The following NOL4L variants were observed in gnomAD, a reference collection of about 807,000 sequenced individuals.
NOL4L encodes the protein nucleolar protein 4 like, also known as nucleolar protein 4-like.
NOL4L carries 7 observed loss-of-function variants against 64.5 expected under a neutral mutation model. That is an observed-to-expected ratio of 0.11 (90% CI 0.06 to 0.20). The LOEUF is 0.20. Ranked by LOEUF, NOL4L falls within the 10% of genes least tolerant of loss-of-function variation. The pLI is 1.00. For missense variants in NOL4L, 680 were observed against 967.1 expected (o/e 0.70, Z 3.94); for synonymous variants, 413 against 401.0 (o/e 1.03, Z -0.36).
chr20:32,544,972 G>A (rs6119261), intron 1 of NOL4L, among the ~76,000 whole-genome samples: 12,146 of 152,248 alleles, frequency 0.08, 1,295 homozygotes, highest in African/African-American at 0.25. Flanking sequence ...GCTGGGAATT[G>A]ACAGCCAGGT....
chr20:32,488,718 C>G (rs2016203845), intron 4 of NOL4L, among the ~76,000 whole-genome samples: 1 of 151,934 alleles, frequency 6.6e-6, no homozygotes, highest in Admixed American at 6.6e-5. Flanking sequence ...ACTTGTATTT[C>G]TTTTTCTTTC....
chr20:32,486,001 T>C (rs1222322515), intron 4 of NOL4L, among the ~76,000 whole-genome samples: 1 of 152,216 alleles, frequency 6.6e-6, no homozygotes, highest in Non-Finnish European at 1.5e-5. Flanking sequence ...TGATTTTCTG[T>C]AGGCATGAAA....
In NOL4L at chr20:32,464,861, G is replaced by T; in HGVS notation, c.842-8466C>A. On this transcript the variant is annotated intron_variant, in intron 5 of 10. Coordinates refer to ENST00000621426, the MANE Select transcript of NOL4L (RefSeq NM_001256798.2). This position sits in a 1 kb window ranked among gnomAD's most constrained non-coding sequence, Gnocchi z 5.6. The stretch of plus-strand genomic sequence containing the variant: ...ACAAATAATTGATACCGTGTTATCA[G>T]AGCTGAGATATTTCACCTTCTTCTT... 1 of 423,300 alleles carries T rather than the reference G, an allele frequency of 2.4e-6. No homozygotes were observed. The allele number at this position is 423,300 out of a possible 1,614,324, so 26.2% of individuals were successfully genotyped here.
At chr20:32,572,391 C>A (rs766280602) in intron 1 of NOL4L, 1 of 152,232 alleles carries the variant, frequency 6.6e-6, no homozygotes, top group South Asian at 2.1e-4. Context: ...ACAGCAGACA[C>A]GGACTGAGGA....
intron 1 of NOL4L, among the ~76,000 whole-genome samples, chr20:32,559,551 T>C (rs1306973060): frequency 6.6e-6 from 1 of 152,130 alleles, no homozygotes; most frequent in African/African-American, 2.4e-5. Context: ...GGTAGGAATG[T>C]TATTACGTTC....
At chr20:32,550,194 G>A (rs2018781161) in intron 1 of NOL4L, among the ~76,000 whole-genome samples, 1 of 152,218 alleles carries the variant, frequency 6.6e-6, no homozygotes, top group Admixed American at 6.5e-5. Context: ...AATCCTAGAT[G>A]ACACAGCCTA....
chr20:32,470,674 G>A (rs1339310434), intron 5 of NOL4L, among the ~76,000 whole-genome samples: 1 of 152,258 alleles, frequency 6.6e-6, no homozygotes, highest in Non-Finnish European at 1.5e-5. Flanking sequence ...CGCCTCAGCC[G>A]GGGCTTGGCC....
At chr20:32,562,333 T>C (rs1014829765) in intron 1 of NOL4L, among the ~76,000 whole-genome samples, 4 of 152,120 alleles carry the variant, frequency 2.6e-5, no homozygotes, top group Non-Finnish European at 4.4e-5. Context: ...ACGCTGACCC[T>C]GAAAATCAGA....
chr20:32,452,434 C>T lies in NOL4L; in HGVS notation c.1624G>A (p.Glu542Lys), dbSNP rs1441782039. 4 of 1,589,366 alleles carry T rather than the reference C, an allele frequency of 2.5e-6. No individual in the cohort carries two copies. Among genetic ancestry groups the T allele is most frequent in the Admixed American group, 3.5e-5 (2 of 57,098 alleles). Residue 542 changes from glutamate to lysine, a missense_variant, in exon 10 of 11, where the codon GAG becomes AAG. Glu to Lys is a moderately conservative substitution (Grantham distance 56, BLOSUM62 1). Transcript: ENST00000621426. ...RLEIYQSSQD[E>K]PIALDKQHSR... ...TGCTGCTTGTCCAGGGCTATGGGCT[C>T]ATCCTGCAGAGGGGAGAGGGGGGCG...
intron 1 of NOL4L, among the ~76,000 whole-genome samples, chr20:32,530,614 T>A (rs1162192594): frequency 6.6e-6 from 1 of 151,948 alleles, no homozygotes; most frequent in Non-Finnish European, 1.5e-5. Context: ...GTGTTCAATT[T>A]ATTAAGTCAT....
chr20:32,570,169 C>T (rs1979671467), intron 1 of NOL4L, among the ~76,000 whole-genome samples: 1 of 152,056 alleles, frequency 6.6e-6, no homozygotes, highest in Non-Finnish European at 1.5e-5. Context: ...GGCAGCACAG[C>T]CAGGATTCGA....
chr20:32,580,577 C>T (rs1980402645), intron 1 of NOL4L, among the ~76,000 whole-genome samples: 1 of 152,306 alleles, frequency 6.6e-6, no homozygotes, highest in South Asian at 2.1e-4. Context: ...CTTGCAAAAG[C>T]CTGGTTTTGA....
chr20:32,569,757 GAGAGGGC>G (rs1979646211), intron 1 of NOL4L, among the ~76,000 whole-genome samples: 1 of 152,168 alleles, frequency 6.6e-6, no homozygotes, highest in East Asian at 1.9e-4. Context: ...TCCCAGCTCT[GAGAGGGC>G]AGAGATCAAG....
chr20:32,447,562 T>G lies in NOL4L; in HGVS notation c.*34A>C. 6.4e-7 allele frequency: 1 copy of G among 1,555,124 alleles called. No homozygotes were observed. The highest frequency in any genetic ancestry group is 8.6e-7 in the Non-Finnish European group (1 of 1,156,220). On this transcript the variant is annotated 3_prime_UTR_variant, in exon 11 of 11. Transcript: ENST00000621426. ...CAGGTCCAGGCTGGGACAGCCTCCT[T>G]CCCTAGGGCAGTGCGCTCCAGGTGC...
chr20:32,567,287 C>G (rs890554790), intron 1 of NOL4L, among the ~76,000 whole-genome samples: 7 of 152,210 alleles, frequency 4.6e-5, no homozygotes, highest in Non-Finnish European at 1.0e-4. Context: ...CTCTCCATCC[C>G]GGTTCCCAGA....
chr20:32,486,223 A>G (rs2016080744), intron 4 of NOL4L, among the ~76,000 whole-genome samples: 1 of 152,150 alleles, frequency 6.6e-6, no homozygotes, highest in Non-Finnish European at 1.5e-5. Flanking sequence ...GGTTGTTTTC[A>G]GTGTCCTTGT....
intron 4 of NOL4L, among the ~76,000 whole-genome samples, chr20:32,504,274 T>C (rs978491430): frequency 6.6e-6 from 1 of 152,152 alleles, no homozygotes; most frequent in East Asian, 1.9e-4. Context: ...AAGAAACATC[T>C]CAGAGGCCGG....
intron 4 of NOL4L, among the ~76,000 whole-genome samples, chr20:32,496,246 C>T (rs1292586647): frequency 6.6e-6 from 1 of 152,234 alleles, no homozygotes; most frequent in Non-Finnish European, 1.5e-5. Context: ...CCTCCCACTT[C>T]ATCTCTGCAG....
intron 1 of NOL4L, among the ~76,000 whole-genome samples, chr20:32,576,989 C>T (rs1980156068): frequency 6.6e-6 from 1 of 152,198 alleles, no homozygotes; most frequent in Admixed American, 6.5e-5. Flanking sequence ...CCTCCAGGCT[C>T]TGGGGTTTGG....
Sources: allele counts gnomAD v4.1 joint callset (sites outside exome capture counted in the v4.1 genomes callset), GRCh38; gene constraint gnomAD v4.1.1; non-coding constraint Gnocchi (gnomAD v3.1); transcripts MANE v1.5; gene names NCBI Gene and HGNC (gene_info 2026-07-23, HGNC 2026-07-21).